TLCD2: variants seen among roughly 807,000 people sequenced by gnomAD.
TLCD2 encodes TLC domain-containing protein 2.
In TLCD2, 12 loss-of-function variants were observed where a neutral mutation model predicts 14.0. The observed-to-expected ratio is 0.86, with a 90% CI of 0.55 to 1.39. The LOEUF is 1.39. Among genes scored for constraint, TLCD2 ranks in the 40% most tolerant of loss-of-function variants. TLCD2 has a pLI of 0.00. For missense variants in TLCD2, 360 were observed against 346.8 expected (o/e 1.04, Z -0.30); for synonymous variants, 166 against 156.5 (o/e 1.06, Z -0.45).
rs1913954687 is a variant in TLCD2 at position 1,704,046 on chromosome 17, G to A, written c.*3724C>T. 1 of 151,636 alleles carries A rather than the reference G, an allele frequency of 6.6e-6. No individual in the cohort carries two copies. Among genetic ancestry groups the A allele is most frequent in the African/African-American group, 2.4e-5 (1 of 41,300 alleles). The allele number at this position is 151,636 out of a possible 1,614,324, so 9.4% of individuals were successfully genotyped here. A position where few individuals can be genotyped will look rare whatever the true frequency, so the allele number is the denominator to read the frequency against. On this transcript the variant is annotated 3_prime_UTR_variant, in exon 4 of 4. Transcript: ENST00000330676. ...TTGAGACCAGCCTGGCCAATATGGT[G>A]AAATCCTGTCTCTACTAAAAACACA...
In TLCD2 at chr17:1,705,645, A is replaced by G. The variant is rs960384131; in HGVS notation, c.*2125T>C. The G allele has an allele frequency of 6.6e-6, 1 of 151,948 alleles. No individual in the cohort carries two copies. The highest frequency in any genetic ancestry group is 2.4e-5 in the African/African-American group (1 of 41,320). 9.4% of individuals were successfully genotyped at this position (151,948 alleles called of 1,614,324 possible). Reference sequence around the variant, plus strand: ...GAATAATCCTTCTCTCTTTCTATCTATCACTCAATCTATGTATGTCTGTCT... The same window carrying G: ...GAATAATCCTTCTCTCTTTCTATCTGTCACTCAATCTATGTATGTCTGTCT... On this transcript the variant is annotated 3_prime_UTR_variant, in exon 4 of 4. Coordinates refer to ENST00000330676, the MANE Select transcript of TLCD2 (RefSeq NM_001164407.2).
rs1364269878 is a variant in TLCD2 at position 1,709,522 on chromosome 17, C to T, written c.319G>A (p.Asp107Asn). The change falls in exon 3 of 4, where the codon GAT becomes AAT. Residue 107 changes from aspartate to asparagine, a missense_variant. Transcript: ENST00000330676. Reference sequence around the variant, plus strand: ...ACCACCAAATGATGACAGAGAAGATCCCAGGTCTTGCCCAAGGTCTGGTTC... The same window carrying T: ...ACCACCAAATGATGACAGAGAAGATTCCAGGTCTTGCCCAAGGTCTGGTTC... ...LWNQTLGKTW[D>N]LLCHHLVVVS... The T allele has an allele frequency of 6.5e-7, 1 of 1,536,984 alleles. No individual in the cohort carries two copies.
rs1728668870 is a variant in TLCD2 at position 1,707,146 on chromosome 17, G to A, written c.*624C>T. The A allele has an allele frequency of 1.3e-5, 2 of 151,896 alleles. No homozygotes were observed. Among genetic ancestry groups the A allele is most frequent in the African/African-American group, 4.8e-5 (2 of 41,298 alleles). 9.4% of individuals were successfully genotyped at this position (151,896 alleles called of 1,614,324 possible). A position where few individuals can be genotyped will look rare whatever the true frequency, so the allele number is the denominator to read the frequency against. ...CGTGCCACTACACTCCAGCCTGGGT[G>A]ACAGAGTAAGATTCCGTCTCATAAA... On this transcript the variant is annotated 3_prime_UTR_variant, in exon 4 of 4. Coordinates refer to ENST00000330676, the MANE Select transcript of TLCD2 (RefSeq NM_001164407.2).
chr17:1,709,598 A>C lies in TLCD2; in HGVS notation c.260-17T>G, dbSNP rs1450983933. Reference sequence around the variant, plus strand: ...GGAAGTAACCTGTGGGCATGGGGGTAGGGGTTAGGCTGCTCCAGAGCCCGG... The same window carrying C: ...GGAAGTAACCTGTGGGCATGGGGGTCGGGGTTAGGCTGCTCCAGAGCCCGG... On this transcript the variant is annotated splice_polypyrimidine_tract_variant and intron_variant, in intron 2 of 3. Coordinates refer to ENST00000330676, the MANE Select transcript of TLCD2 (RefSeq NM_001164407.2). 1 of 1,535,678 alleles carries C rather than the reference A, an allele frequency of 6.5e-7. No individual in the cohort carries two copies. The highest frequency in any genetic ancestry group is 1.4e-5 in the African/African-American group (1 of 72,922).
At position 1,703,795 on chromosome 17, in the gene TLCD2, G is replaced by A. The variant is rs1913946167; in HGVS notation, c.*3975C>T. On this transcript the variant is annotated 3_prime_UTR_variant, in exon 4 of 4. Transcript: ENST00000330676. ...CATATCAACCTCAACAGATATTTAAGGAATAGATTCCTCACATGAGTTTGT... is the reference window on the plus strand; with the variant it reads ...CATATCAACCTCAACAGATATTTAAAGAATAGATTCCTCACATGAGTTTGT... The A allele has an allele frequency of 2.6e-5, 4 of 152,066 alleles. No individual in the cohort carries two copies. The highest frequency in any genetic ancestry group is 2.1e-4 in the South Asian group (1 of 4,826). 9.4% of individuals were successfully genotyped at this position (152,066 alleles called of 1,614,324 possible).
At chr17:1,709,933 C>G in intron 1 of TLCD2, 47 bp from the exon 2 acceptor site, 1 of 1,516,304 alleles carries the variant, frequency 6.6e-7, no homozygotes, top group African/African-American at 1.4e-5. Flanking sequence ...GTCAGCCTCT[C>G]GAGGCCCCGG....
chr17:1,703,036 G>C lies in TLCD2; in HGVS notation c.*4734C>G, dbSNP rs906759318. On this transcript the variant is annotated 3_prime_UTR_variant, in exon 4 of 4. Coordinates refer to ENST00000330676, the MANE Select transcript of TLCD2 (RefSeq NM_001164407.2). ...GTGCTAAGCAGACTCCTACCAAATG[G>C]AGCATCTGGCAATCTCTGCTTTTTT... 1 of 152,054 alleles carries C rather than the reference G, an allele frequency of 6.6e-6. No individual in the cohort carries two copies. The highest frequency in any genetic ancestry group is 2.4e-5 in the African/African-American group (1 of 41,406). The allele number at this position is 152,054 out of a possible 1,614,324, so 9.4% of individuals were successfully genotyped here. A position where few individuals can be genotyped will look rare whatever the true frequency, so the allele number is the denominator to read the frequency against.
At chr17:1,708,521 T>C (rs1185964914) in intron 3 of TLCD2, among the ~76,000 whole-genome samples, 2 of 123,120 alleles carry the variant, frequency 1.6e-5, no homozygotes, top group African/African-American at 3.1e-5. Flanking sequence ...AGACTCTCAC[T>C]CTGCCACCAG....
At chr17:1,709,617 A>G in intron 2 of TLCD2, 36 bp from the exon 3 acceptor site, 2 of 1,514,966 alleles carry the variant, frequency 1.3e-6, no homozygotes, top group Non-Finnish European at 1.8e-6. Flanking sequence ...GCTGCTCCAG[A>G]GCCCGGGCAG....
At position 1,709,886 on chromosome 17, in the gene TLCD2, G is replaced by T. The variant is rs1914165506; in HGVS notation, c.177C>A (p.Gly59=). 2 of 1,531,142 alleles carry T rather than the reference G, an allele frequency of 1.3e-6. No homozygotes were observed. The highest frequency in any genetic ancestry group is 2.0e-5 in the Admixed American group (1 of 50,574). 94.8% of individuals were successfully genotyped at this position (1,531,142 alleles called of 1,614,324 possible). The change falls in exon 2 of 4, where the codon GGC becomes GGA. Residue 59 remains glycine, a splice_region_variant and synonymous_variant. Coordinates refer to ENST00000330676, the MANE Select transcript of TLCD2 (RefSeq NM_001164407.2). ...SLLSGTGALL[G]LSLYPQMAAD... ...CGGCCATCTGAGGGTACAGTGACAG[G>T]CTGGGGGCATGGGGTGGGGACATGG...
rs1212751387 is a variant in TLCD2 at position 1,705,938 on chromosome 17, T to A, written c.*1832A>T. The A allele has an allele frequency of 6.6e-6, 1 of 152,096 alleles. No homozygotes were observed. Among genetic ancestry groups the A allele is most frequent in the Non-Finnish European group, 1.5e-5 (1 of 68,018 alleles). The allele number at this position is 152,096 out of a possible 1,614,324, so 9.4% of individuals were successfully genotyped here. A position where few individuals can be genotyped will look rare whatever the true frequency, so the allele number is the denominator to read the frequency against. ...CAGAAGCAGCAGGGAGGAAGAAGAC[T>A]TTATGAATGTATCTCAGAAAAGTCC... On this transcript the variant is annotated 3_prime_UTR_variant, in exon 4 of 4. Coordinates refer to ENST00000330676, the MANE Select transcript of TLCD2 (RefSeq NM_001164407.2).
intron 3 of TLCD2, among the ~76,000 whole-genome samples, 157 bp downstream of exon 3, chr17:1,709,342 G>A (rs1914141773): frequency 6.9e-6 from 1 of 143,922 alleles, no homozygotes; most frequent in African/African-American, 2.6e-5. Context: ...GTGAACAGAG[G>A]CCGAACCACT....
intron 1 of TLCD2, 42 bp from the exon 2 acceptor site, chr17:1,709,928 C>T: frequency 6.6e-7 from 1 of 1,515,632 alleles, no homozygotes; most frequent in Non-Finnish European, 8.8e-7. Flanking sequence ...GCATGGTCAG[C>T]CTCTCGAGGC....
rs1387657182 is a variant in TLCD2 at position 1,710,174 on chromosome 17, C to T, written c.69G>A (p.Leu23=). The part of the protein sequence containing the change: ...FLAFRGLHWG[L]RRLPTPESAA... Reference sequence around the variant, plus strand: ...CCGATTCCGGCGTGGGCAGCCGCCGCAACCCCCAGTGCAGCCCCCGGAACG... The same window carrying T: ...CCGATTCCGGCGTGGGCAGCCGCCGTAACCCCCAGTGCAGCCCCCGGAACG... The change falls in exon 1 of 4, where the codon TTG becomes TTA. Residue 23 remains leucine, a synonymous_variant. Transcript: ENST00000330676. The surrounding 1 kb of genome is among the most constrained non-coding windows in gnomAD (Gnocchi z 6.1). The T allele has an allele frequency of 6.5e-7, 1 of 1,533,084 alleles. No homozygotes were observed. The highest frequency in any genetic ancestry group is 2.1e-4 in the Middle Eastern group (1 of 4,804). The allele number at this position is 1,533,084 out of a possible 1,614,324, so 95.0% of individuals were successfully genotyped here.
intron 3 of TLCD2, among the ~76,000 whole-genome samples, chr17:1,708,953 C>A: frequency 6.6e-6 from 1 of 152,128 alleles, no homozygotes; most frequent in East Asian, 1.9e-4. Context: ...GGTGAGTGCC[C>A]TGGCATGGTA....
Position 1,708,081 on chromosome 17 carries a change from A to AG in TLCD2, c.483dup (p.Phe162LeufsTer64). 6.5e-7 allele frequency: 1 copy of AG among 1,537,198 alleles called. No individual in the cohort carries two copies. Among genetic ancestry groups the AG allele is most frequent in the Non-Finnish European group, 8.7e-7 (1 of 1,146,906 alleles). On this transcript the variant is annotated frameshift_variant, in exon 4 of 4. Transcript: ENST00000330676. LOFTEE classifies it low-confidence loss of function (END_TRUNC). Reference sequence around the variant, plus strand: ...AAGGAGGCCCAGCTGGTCACGCTGAAGGCCAGGGATGGGGCCTGGCGAGAA... The same window carrying AG: ...AAGGAGGCCCAGCTGGTCACGCTGAAGGGCCAGGGATGGGGCCTGGCGAGAA...
rs1351732729 is a variant in TLCD2, at chr17:1,704,262, G to GA, written c.*3507dup. 1.6e-5 allele frequency: 2 copies of GA among 122,080 alleles called. No individual in the cohort carries two copies. Among genetic ancestry groups the GA allele is most frequent in the African/African-American group, 2.7e-5 (1 of 37,362 alleles). The allele number at this position is 122,080 out of a possible 1,614,324, so 7.6% of individuals were successfully genotyped here. A position where few individuals can be genotyped will look rare whatever the true frequency, so the allele number is the denominator to read the frequency against. ...AAAAAAGAAGAAAAGAAAGAAAAAA[G>GA]AAAATTTTTTTTTTTTGTAGAGAGG... On this transcript the variant is annotated 3_prime_UTR_variant, in exon 4 of 4. Coordinates refer to ENST00000330676, the MANE Select transcript of TLCD2 (RefSeq NM_001164407.2).
rs1914100591 is a variant in TLCD2, at chr17:1,708,233, G to C, written c.343-11C>G. ...GAGGCAGCTCACCACCTGGGAGCCA[G>C]GGTCACAGGTCAGAGGAACCCCATG... On this transcript the variant is annotated splice_polypyrimidine_tract_variant and intron_variant, in intron 3 of 3. Transcript: ENST00000330676. The C allele has an allele frequency of 2.0e-6, 3 of 1,512,822 alleles. No homozygotes were observed. The highest frequency in any genetic ancestry group is 2.6e-6 in the Non-Finnish European group (3 of 1,133,472). The allele number at this position is 1,512,822 out of a possible 1,614,324, so 93.7% of individuals were successfully genotyped here. A position where few individuals can be genotyped will look rare whatever the true frequency, so the allele number is the denominator to read the frequency against.
chr17:1,707,914 C>T lies in TLCD2; in HGVS notation c.651G>A (p.Leu217=), dbSNP rs192579895. 5.9e-5 allele frequency: 90 copies of T among 1,537,272 alleles called. No individual in the cohort carries two copies. The Admixed American group carries it at 1.7e-3, about 29-fold the overall frequency. ...LVTVGIMSII[L]GIRILVNDVL... ...CATCATTGACCAGAATACGGATCCC[C>T]AATATGATGCTCATGATGCCCACAG... is the stretch of plus-strand genomic sequence containing the variant. Residue 217 remains leucine, a synonymous_variant, in exon 4 of 4, where the codon TTG becomes TTA. Transcript: ENST00000330676.
Sources: allele counts gnomAD v4.1 joint callset (sites outside exome capture counted in the v4.1 genomes callset), GRCh38; gene constraint gnomAD v4.1.1; non-coding constraint Gnocchi (gnomAD v3.1); transcripts MANE v1.5; gene names NCBI Gene and HGNC (gene_info 2026-07-23, HGNC 2026-07-21).